Variants in PIRT observed in about 807,000 individuals in gnomAD.
PIRT encodes phosphoinositide interacting regulator of transient receptor potential channels.
In PIRT, 6 loss-of-function variants were observed where a neutral mutation model predicts 7.9. That is an observed-to-expected ratio of 0.76 (90% CI 0.42 to 1.51). PIRT has a LOEUF of 1.51. Ranked by LOEUF, PIRT falls within the 40% of genes most tolerant of loss-of-function variation. PIRT has a pLI of 0.01. For synonymous variants in PIRT, 78 were observed against 71.8 expected (o/e 1.09, Z -0.44); for missense variants, 170 against 172.9 (o/e 0.98, Z 0.09).
chr17:10,831,473 A>G (rs1905460547), intron 1 of PIRT, among the ~76,000 whole-genome samples: 1 of 152,178 alleles, frequency 6.6e-6, no homozygotes, highest in Non-Finnish European at 1.5e-5. Context: ...GGAATTTGAC[A>G]CACAGAGGGG....
chr17:10,827,101 T>G (rs1450375352), intron 1 of PIRT, among the ~76,000 whole-genome samples: 3 of 152,198 alleles, frequency 2.0e-5, no homozygotes, highest in African/African-American at 7.2e-5. Flanking sequence ...CATGAGCCAC[T>G]GTGCCTGGCC....
Position 10,825,611 on chromosome 17 carries a change from A to T in PIRT, c.35T>A (p.Val12Asp), listed in dbSNP as rs759370440. ...TMETLPKVLE[V>D]DEKSPEAKDL... ...CTTGGCTTCTGGAGACTTCTCATCGACCTCTAGAACCTTGGGGAGAGTCTC... is the reference window on the plus strand; with the variant it reads ...CTTGGCTTCTGGAGACTTCTCATCGTCCTCTAGAACCTTGGGGAGAGTCTC... Residue 12 changes from valine to aspartate, a missense_variant, in exon 2 of 2, where the codon GTC becomes GAC. Coordinates refer to ENST00000580256, the MANE Select transcript of PIRT (RefSeq NM_001101387.2). 4 of 1,519,602 alleles carry T rather than the reference A, an allele frequency of 2.6e-6. No homozygotes were observed. In the South Asian group the frequency reaches 3.8e-5, roughly 15 times the overall value. 94.1% of individuals were successfully genotyped at this position (1,519,602 alleles called of 1,614,324 possible). A position where few individuals can be genotyped will look rare whatever the true frequency, so the allele number is the denominator to read the frequency against.
At chr17:10,830,058 C>A (rs535217852) in intron 1 of PIRT, among the ~76,000 whole-genome samples, 1 of 152,166 alleles carries the variant, frequency 6.6e-6, no homozygotes, top group African/African-American at 2.4e-5. Context: ...AGAAAAGCAA[C>A]TATTCATTTG....
At chr17:10,837,801 T>C (rs759745126) in intron 1 of PIRT, 144 bp downstream of exon 1, 1 of 152,294 alleles carries the variant, frequency 6.6e-6, no homozygotes, top group Non-Finnish European at 1.5e-5. Context: ...TCCCAGGGCA[T>C]AGCCCCCTTT....
At chr17:10,832,923 C>T (rs1905495962) in intron 1 of PIRT, among the ~76,000 whole-genome samples, 1 of 152,190 alleles carries the variant, frequency 6.6e-6, no homozygotes, top group African/African-American at 2.4e-5. Flanking sequence ...ACCTGACAGG[C>T]CCAGAACCCC....
chr17:10,834,253 A>G (rs1905530453), intron 1 of PIRT, among the ~76,000 whole-genome samples: 2 of 152,264 alleles, frequency 1.3e-5, no homozygotes, highest in South Asian at 4.1e-4. Context: ...AAATGGTTGT[A>G]TAATCACACA....
chr17:10,831,842 C>T (rs879910872), intron 1 of PIRT, among the ~76,000 whole-genome samples: 8 of 152,176 alleles, frequency 5.3e-5, no homozygotes, highest in Non-Finnish European at 8.8e-5. Context: ...CTGGACTCAC[C>T]TCAGATTTGA....
At chr17:10,826,730 G>A (rs1431473462) in intron 1 of PIRT, among the ~76,000 whole-genome samples, 1 of 152,226 alleles carries the variant, frequency 6.6e-6, no homozygotes, top group Non-Finnish European at 1.5e-5. Context: ...GCTATGCGTA[G>A]TCTGGAGAAC....
At position 10,823,087 on chromosome 17, in the gene PIRT, C is replaced by A. The variant is rs1009028659; in HGVS notation, c.*2145G>T. ...TTCCAGTGAGTGATCTGGGGCCCATCCCATTTGCTCCCATTTAAGAATGCA... is the reference window on the plus strand; with the variant it reads ...TTCCAGTGAGTGATCTGGGGCCCATACCATTTGCTCCCATTTAAGAATGCA... On this transcript the variant is annotated 3_prime_UTR_variant, in exon 2 of 2. Coordinates refer to ENST00000580256, the MANE Select transcript of PIRT (RefSeq NM_001101387.2). 6.6e-6 allele frequency: 1 copy of A among 152,156 alleles called. No individual in the cohort carries two copies. Among genetic ancestry groups the A allele is most frequent in the Non-Finnish European group, 1.5e-5 (1 of 68,030 alleles). 9.4% of individuals were successfully genotyped at this position (152,156 alleles called of 1,614,324 possible).
chr17:10,835,036 T>G (rs559230509), intron 1 of PIRT, among the ~76,000 whole-genome samples: 11 of 152,070 alleles, frequency 7.2e-5, no homozygotes, highest in African/African-American at 2.7e-4. Flanking sequence ...TGGAAGTAGC[T>G]CACAAGGTGG....
rs747444954 is a variant in PIRT, at chr17:10,825,065, C to T, written c.*167G>A. 3.5e-6 allele frequency: 3 copies of T among 866,274 alleles called. No homozygotes were observed. Among genetic ancestry groups the T allele is most frequent in the Non-Finnish European group, 5.2e-6 (3 of 575,086 alleles). 53.7% of individuals were successfully genotyped at this position (866,274 alleles called of 1,614,324 possible). ...TCAAGTGGATACATCTGGCAACATT[C>T]CCGGCTGCATGGAGGGTGGAGCCCC... is the stretch of plus-strand genomic sequence containing the variant. On this transcript the variant is annotated 3_prime_UTR_variant, in exon 2 of 2. Coordinates refer to ENST00000580256, the MANE Select transcript of PIRT (RefSeq NM_001101387.2).
At chr17:10,827,898 T>C (rs377683667) in intron 1 of PIRT, among the ~76,000 whole-genome samples, 19 of 152,346 alleles carry the variant, frequency 1.2e-4, no homozygotes, top group African/African-American at 3.1e-4. Flanking sequence ...TAGGTTCTGT[T>C]TGAGAGAGCC....
intron 1 of PIRT, among the ~76,000 whole-genome samples, chr17:10,831,060 A>C (rs1905451758): frequency 1.3e-5 from 2 of 152,184 alleles, no homozygotes; most frequent in Non-Finnish European, 1.5e-5. Flanking sequence ...GCCTAGCTTG[A>C]AAATTCAGGA....
intron 1 of PIRT, among the ~76,000 whole-genome samples, chr17:10,828,820 A>G (rs1905394504): frequency 6.6e-6 from 1 of 152,198 alleles, no homozygotes; most frequent in Admixed American, 6.5e-5. Context: ...CATTCTCTAG[A>G]ACAAGCAGTT....
chr17:10,827,465 C>CTTTGTTTTTTTTTTTTTTTTTTTTTTT (rs1905353813), intron 1 of PIRT, among the ~76,000 whole-genome samples: 1 of 56,292 alleles, frequency 1.8e-5, no homozygotes, highest in African/African-American at 7.5e-5. Context: ...TTTTTCTTTT[C>CTTTGTTTTTTTTTTTTTTTTTTTTTTT]TTTTTTTTTT....
chr17:10,832,224 C>T (rs961823753), intron 1 of PIRT, among the ~76,000 whole-genome samples: 7 of 151,520 alleles, frequency 4.6e-5, no homozygotes, highest in African/African-American at 1.7e-4. Context: ...CGGAGTTTTG[C>T]TCTTGTTGCC....
chr17:10,831,285 G>A (rs1339923582), intron 1 of PIRT, among the ~76,000 whole-genome samples: 2 of 152,256 alleles, frequency 1.3e-5, no homozygotes, highest in South Asian at 2.1e-4. Flanking sequence ...CTCACTGTAG[G>A]GAGTTGAATT....
chr17:10,829,205 G>A (rs753106013), intron 1 of PIRT, among the ~76,000 whole-genome samples: 1 of 152,124 alleles, frequency 6.6e-6, no homozygotes, highest in Non-Finnish European at 1.5e-5. Context: ...GACATGGGGC[G>A]ATATGATGGC....
chr17:10,833,059 G>C (rs1437824998), intron 1 of PIRT, among the ~76,000 whole-genome samples: 1 of 152,056 alleles, frequency 6.6e-6, no homozygotes, highest in Non-Finnish European at 1.5e-5. Context: ...AAGGGAAGAG[G>C]GTGGAAAAAA....
Sources: allele counts gnomAD v4.1 joint callset (sites outside exome capture counted in the v4.1 genomes callset), GRCh38; gene constraint gnomAD v4.1.1; transcripts MANE v1.5; gene names NCBI Gene and HGNC (gene_info 2026-07-23, HGNC 2026-07-21).